Variants in FCRL5 observed in about 807,000 individuals in gnomAD.
FCRL5 encodes the protein Fc receptor-like protein 5.
Under a neutral mutation model 92.1 loss-of-function variants are expected in FCRL5, and 79 were observed. The ratio of observed to expected loss-of-function variants is 0.86; its 90% CI spans 0.72 to 1.03. The LOEUF (loss-of-function observed/expected upper bound fraction) is 1.03. FCRL5 is among the 50% of genes least tolerant of loss of function. FCRL5 has a pLI of 0.00. For missense variants in FCRL5, 1,160 were observed against 1,181.1 expected (o/e 0.98, Z 0.26); for synonymous variants, 466 against 469.3 (o/e 0.99, Z 0.09).
In FCRL5 at chr1:157,539,353, G is replaced by A. The variant is rs151239112; in HGVS notation, c.1135C>T (p.His379Tyr). Residue 379 changes from histidine to tyrosine, a missense_variant, in exon 7 of 17, where the codon CAT (histidine) becomes TAT (tyrosine). His to Tyr is a moderately conservative substitution (Grantham distance 83). Coordinates refer to ENST00000361835, the MANE Select transcript of FCRL5 (RefSeq NM_031281.3). ...VSLSVTVPVS[H>Y]PVLNLSSPED... ...GGAGAGCTGAGGTTGAGGACAGGAT[G>A]AGACACGGGAACTGAGAGAGAGAAA... 74 of 1,607,830 alleles carry A rather than the reference G, an allele frequency of 4.6e-5. No individual in the cohort carries two copies. In the African/African-American group the frequency reaches 9.5e-4, roughly 21 times the overall value.
At chr1:157,551,888 G>A (rs1651834499) in intron 1 of FCRL5, among the ~76,000 whole-genome samples, 2 of 152,128 alleles carry the variant, frequency 1.3e-5, no homozygotes, top group South Asian at 2.1e-4. Flanking sequence ...TTATGTACAA[G>A]AGAAAGACCT....
At chr1:157,518,301 GA>G (rs1454917885) in intron 15 of FCRL5, 127 bp downstream of exon 15, 6 of 736,614 alleles carry the variant, frequency 8.1e-6, no homozygotes, top group Non-Finnish European at 1.4e-5. Flanking sequence ...CACACATAAA[GA>G]AGCCCCATGA....
chr1:157,539,307 C>G lies in FCRL5; in HGVS notation c.1181G>C (p.Gly394Ala), dbSNP rs1348804334. 2 of 1,614,030 alleles carry G rather than the reference C, an allele frequency of 1.2e-6. No homozygotes were observed. Among genetic ancestry groups the G allele is most frequent in the South Asian group, 2.2e-5 (2 of 91,052 alleles). The change falls in exon 7 of 17, where the codon GGA becomes GCA. Residue 394 changes from glycine to alanine, a missense_variant. By Grantham distance (60) the Gly-to-Ala change is moderately conservative (BLOSUM62 0). Coordinates refer to ENST00000361835, the MANE Select transcript of FCRL5 (RefSeq NM_031281.3). ...TTCACAGTGAAGTGTCACCTTGGCTCCCTCAAAAATCAGGTCCTCAGGAGA... is the reference window on the plus strand; with the variant it reads ...TTCACAGTGAAGTGTCACCTTGGCTGCCTCAAAAATCAGGTCCTCAGGAGA... The part of the protein sequence containing the change: ...LSSPEDLIFE[G>A]AKVTLHCEAQ...
chr1:157,522,220 C>T (rs949780352), intron 10 of FCRL5: 14 of 152,136 alleles, frequency 9.2e-5, no homozygotes, highest in African/African-American at 3.4e-4. Context: ...TAGAAAGAGA[C>T]CTTTACTTTT....
intron 6 of FCRL5, among the ~76,000 whole-genome samples, chr1:157,541,051 T>C (rs1453793804): frequency 6.6e-6 from 1 of 152,248 alleles, no homozygotes; most frequent in African/African-American, 2.4e-5. Flanking sequence ...GAGTACTTTG[T>C]GGCTAAATTC....
At chr1:157,515,797 G>C (rs1649895509) in intron 16 of FCRL5, 33 bp from the exon 17 acceptor site, 1 of 1,613,686 alleles carries the variant, frequency 6.2e-7, no homozygotes, top group Admixed American at 1.7e-5. Flanking sequence ...TGAGGACCAG[G>C]GTGGGCCTGG....
Position 157,514,500 on chromosome 1 carries a change from T to A in FCRL5, c.*1175A>T, listed in dbSNP as rs1363999566. ...AAAGGCTGGCCAGGGAGCAGCACGATCCGTGTGAACCGAGTTGGGCCCTGG... is the reference window on the plus strand; with the variant it reads ...AAAGGCTGGCCAGGGAGCAGCACGAACCGTGTGAACCGAGTTGGGCCCTGG... On this transcript the variant is annotated 3_prime_UTR_variant, in exon 17 of 17. Transcript: ENST00000361835. The A allele has an allele frequency of 6.6e-6, 1 of 152,170 alleles. No individual in the cohort carries two copies. The highest frequency in any genetic ancestry group is 6.6e-5 in the Admixed American group (1 of 15,266). 9.4% of individuals were successfully genotyped at this position (152,170 alleles called of 1,614,324 possible). A position where few individuals can be genotyped will look rare whatever the true frequency, so the allele number is the denominator to read the frequency against.
Position 157,520,431 on chromosome 1 carries a change from C to A in FCRL5, c.2632G>T (p.Gly878Trp). The change falls in exon 12 of 17, where the codon GGG becomes TGG. Residue 878 changes from glycine to tryptophan, a missense_variant and splice_region_variant. Physicochemically the swap from Gly to Trp is radical, Grantham distance 184 (BLOSUM62 -2). Transcript: ENST00000361835. ...LLYCWLSRKA[G>W]RKPASDPARS... ...CCAAGGTGTGCCCAGAGTCACCCAC[C>A]TGCTTTTCTCGAGAGCCAGCAGTAG... is the stretch of plus-strand genomic sequence containing the variant. 1 of 1,573,276 alleles carries A rather than the reference C, an allele frequency of 6.4e-7. No individual in the cohort carries two copies. The highest frequency in any genetic ancestry group is 8.6e-7 in the Non-Finnish European group (1 of 1,157,808).
At position 157,547,191 on chromosome 1, in the gene FCRL5, G is replaced by A; in HGVS notation, c.59C>T (p.Thr20Ile). 2 of 1,613,684 alleles carry A rather than the reference G, an allele frequency of 1.2e-6. No individual in the cohort carries two copies. The highest frequency in any genetic ancestry group is 2.2e-5 in the South Asian group (2 of 91,048). ...LAPVSGQFAR[T>I]PRPIIFLQPP... is the part of the protein sequence containing the mutation. The stretch of plus-strand genomic sequence containing the variant: ...CTGGAGGAAAATAATGGGCCTGGGT[G>A]TCCTTGCTGAAGAGGAAAGAGAAAA... The change falls in exon 3 of 17, where the codon ACA (threonine) becomes ATA (isoleucine). Residue 20 changes from threonine to isoleucine, a missense_variant. Coordinates refer to ENST00000361835, the MANE Select transcript of FCRL5 (RefSeq NM_031281.3).
chr1:157,516,168 A>G, intron 15 of FCRL5: 1 of 533,362 alleles, frequency 1.9e-6, no homozygotes, highest in Non-Finnish European at 3.4e-6. Flanking sequence ...TTATTTGAGC[A>G]TAATTGGTAT....
intron 15 of FCRL5, among the ~76,000 whole-genome samples, chr1:157,516,549 A>G (rs556074352): frequency 1.4e-4 from 21 of 152,358 alleles, no homozygotes; most frequent in African/African-American, 4.8e-4. Context: ...ATAGTTCTAT[A>G]TAAGTGCTAC....
intron 1 of FCRL5, 90 bp downstream of exon 1, chr1:157,552,242 G>T: frequency 7.8e-7 from 1 of 1,284,768 alleles, no homozygotes; most frequent in South Asian, 1.2e-5. Flanking sequence ...CTCTCAGCAG[G>T]GGCTGAGCCC....
intron 8 of FCRL5, among the ~76,000 whole-genome samples, chr1:157,531,303 CA>C (rs1426116554): frequency 3.3e-5 from 5 of 152,122 alleles, no homozygotes; most frequent in African/African-American, 1.2e-4. Context: ...TGACTGTTAT[CA>C]AAAAGTCAGA....
At position 157,518,772 on chromosome 1, in the gene FCRL5, C is replaced by G; in HGVS notation, c.2671G>C (p.Asp891His). 15 of 1,611,952 alleles carry G rather than the reference C, an allele frequency of 9.3e-6. No homozygotes were observed. The highest frequency in any genetic ancestry group is 1.2e-5 in the Non-Finnish European group (14 of 1,179,204). Reference sequence around the variant, plus strand: ...TAGGTGGGCTCTTGGGAGTCCGAGTCTGAAGGGCTCCTGTGAGACAGAGAA... The same window carrying G: ...TAGGTGGGCTCTTGGGAGTCCGAGTGTGAAGGGCTCCTGTGAGACAGAGAA... ...PASDPARSPS[D>H]SDSQEPTYHN... is the part of the protein sequence containing the mutation. The change falls in exon 14 of 17, where the codon GAC (aspartate) becomes CAC (histidine). Residue 891 changes from aspartate (D) to histidine (H), a missense_variant. Physicochemically the swap from Asp to His is moderately conservative, Grantham distance 81 (BLOSUM62 -1). Coordinates refer to ENST00000361835, the MANE Select transcript of FCRL5 (RefSeq NM_031281.3).
chr1:157,535,943 G>GTTTTTTTTTTGT (rs1650948224), intron 7 of FCRL5, among the ~76,000 whole-genome samples: 1 of 90,008 alleles, frequency 1.1e-5, no homozygotes, highest in African/African-American at 3.8e-5. Flanking sequence ...ATGTGACTCA[G>GTTTTTTTTTTGT]TTTTTTTTTT....
intron 9 of FCRL5, 41 bp downstream of exon 9, chr1:157,527,576 A>G (rs770191202): frequency 6.5e-7 from 1 of 1,530,162 alleles, no homozygotes; most frequent in East Asian, 2.3e-5. Context: ...GTTAGGGGAG[A>G]TGGTCTTTTT....
At chr1:157,551,083 G>A (rs1298393336) in intron 1 of FCRL5, among the ~76,000 whole-genome samples, 1 of 152,176 alleles carries the variant, frequency 6.6e-6, no homozygotes, top group African/African-American at 2.4e-5. Context: ...ATATTTTTGT[G>A]AGTGGTTTCT....
At chr1:157,540,546 G>A (rs1450716257) in intron 6 of FCRL5, among the ~76,000 whole-genome samples, 3 of 150,924 alleles carry the variant, frequency 2.0e-5, no homozygotes, top group Non-Finnish European at 4.4e-5. Context: ...AAAACCATCA[G>A]ACAATAGAAA....
chr1:157,514,302 A>T lies in FCRL5; in HGVS notation c.*1373T>A. On this transcript the variant is annotated 3_prime_UTR_variant, in exon 17 of 17. Coordinates refer to ENST00000361835, the MANE Select transcript of FCRL5 (RefSeq NM_031281.3). ...CTCAGAGATGGGAGAACAACTCTGA[A>T]TGGAGAGGGCTCAGGTTATATACAT... 1 of 152,270 alleles carries T rather than the reference A, an allele frequency of 6.6e-6. No homozygotes were observed. Among genetic ancestry groups the T allele is most frequent in the East Asian group, 1.9e-4 (1 of 5,200 alleles). 9.4% of individuals were successfully genotyped at this position (152,270 alleles called of 1,614,324 possible).
Sources: gnomAD v4.1 joint callset for allele counts (sites outside exome capture counted in the v4.1 genomes callset) on GRCh38, gnomAD v4.1.1 for gene constraint, MANE v1.5 for transcripts, NCBI Gene and HGNC (gene_info 2026-07-23, HGNC 2026-07-21) for gene names.